MAD1L1: variants seen among roughly 807,000 people sequenced by gnomAD.
MAD1L1 encodes the protein mitotic spindle assembly checkpoint protein MAD1.
MAD1L1 carries 95 observed loss-of-function variants against 96.9 expected under a neutral mutation model. The ratio of observed to expected loss-of-function variants is 0.98; its 90% confidence interval spans 0.83 to 1.16. The LOEUF is 1.16. Among genes scored for constraint, MAD1L1 ranks in the 50% most tolerant of loss-of-function variants. MAD1L1 has a pLI of 0.00. For missense variants in MAD1L1, 1,007 were observed against 954.4 expected, an observed-to-expected ratio of 1.06 and a Z score of -0.73; for synonymous variants, 473 against 396.6, an observed-to-expected ratio of 1.19 and a Z score of -2.29.
At chr7:2,204,619 G>A (rs1792494514) in intron 10 of MAD1L1, among the ~76,000 whole-genome samples, 1 of 152,236 alleles carries the variant, frequency 6.6e-6, no homozygotes, top group African/African-American at 2.4e-5. Flanking sequence ...ACCCTTTCAT[G>A]TTTCCAAGCA....
chr7:2,173,465 C>G (rs964233816), intron 10 of MAD1L1, among the ~76,000 whole-genome samples: 1 of 152,240 alleles, frequency 6.6e-6, no homozygotes, highest in African/African-American at 2.4e-5. Context: ...TGCTTCCCCT[C>G]AAGCTAACAG....
At chr7:2,141,276 C>T (rs968171237) in intron 11 of MAD1L1, among the ~76,000 whole-genome samples, 4 of 152,388 alleles carry the variant, frequency 2.6e-5, no homozygotes, top group Middle Eastern at 3.4e-3. Context: ...AGGCAGACAC[C>T]GCGTGCTGCG....
intron 18 of MAD1L1, among the ~76,000 whole-genome samples, chr7:1,840,602 G>A (rs745483943): frequency 6.6e-5 from 10 of 152,304 alleles, no homozygotes; most frequent in Middle Eastern, 6.8e-3. Flanking sequence ...GGTGGCGGGC[G>A]CCTGTAATCC....
intron 11 of MAD1L1, among the ~76,000 whole-genome samples, chr7:2,087,144 A>G (rs927463976): frequency 2.0e-5 from 3 of 152,174 alleles, no homozygotes; most frequent in African/African-American, 7.2e-5. Context: ...AGAAACTCTT[A>G]GGGTGATGGA....
intron 13 of MAD1L1, 89 bp downstream of exon 13, chr7:2,014,413 A>C (rs1584082836): frequency 6.9e-7 from 1 of 1,450,680 alleles, no homozygotes; most frequent in Non-Finnish European, 9.1e-7. Context: ...CGGGGTCCAG[A>C]CCTCCACCTC....
chr7:2,200,838 CAG>C (rs1792255419), intron 10 of MAD1L1, among the ~76,000 whole-genome samples: 1 of 152,226 alleles, frequency 6.6e-6, no homozygotes, highest in African/African-American at 2.4e-5. Context: ...CCAGCAGAAT[CAG>C]GGCACCTGAT....
chr7:2,087,799 G>A (rs1222006865), intron 11 of MAD1L1, among the ~76,000 whole-genome samples: 1 of 152,184 alleles, frequency 6.6e-6, no homozygotes, highest in Non-Finnish European at 1.5e-5. Context: ...AGCGCCAACT[G>A]TATGTTTAGA....
intron 11 of MAD1L1, among the ~76,000 whole-genome samples, chr7:2,135,682 G>C (rs1037940273): frequency 1.3e-5 from 2 of 152,270 alleles, no homozygotes; most frequent in African/African-American, 4.8e-5. Context: ...AGCGACCCTC[G>C]GGACAATGCC....
At chr7:2,141,226 C>A (rs1185226370) in intron 11 of MAD1L1, among the ~76,000 whole-genome samples, 1 of 152,250 alleles carries the variant, frequency 6.6e-6, no homozygotes, top group East Asian at 1.9e-4. Flanking sequence ...CTGCATCCTA[C>A]AGGGCCACGC....
At chr7:2,152,563 A>C (rs891405097) in intron 10 of MAD1L1, among the ~76,000 whole-genome samples, 6 of 152,196 alleles carry the variant, frequency 3.9e-5, no homozygotes, top group Admixed American at 1.3e-4. Context: ...ACACGGGACC[A>C]GTCTACTCTA....
intron 11 of MAD1L1, among the ~76,000 whole-genome samples, chr7:2,102,234 A>C (rs1014407896): frequency 1.3e-5 from 2 of 149,634 alleles, no homozygotes; most frequent in South Asian, 4.2e-4. Context: ...CGCCACCGCC[A>C]CCACCACCAC....
chr7:2,124,565 T>C (rs1584380870), intron 11 of MAD1L1, among the ~76,000 whole-genome samples: 2 of 152,128 alleles, frequency 1.3e-5, no homozygotes, highest in East Asian at 1.9e-4. Flanking sequence ...AGGGGTGCAG[T>C]GAGGGCAGGA....
chr7:2,210,879 G>GC (rs72171176), intron 10 of MAD1L1, among the ~76,000 whole-genome samples: 1 of 152,158 alleles, frequency 6.6e-6, no homozygotes, highest in African/African-American at 2.4e-5. Context: ...GCTCGCACCA[G>GC]CCCCTCTCCA....
intron 14 of MAD1L1, 193 bp from the exon 15 acceptor site, chr7:1,980,734 T>C (rs1011068779): frequency 1.4e-6 from 1 of 693,514 alleles, no homozygotes; most frequent in Non-Finnish European, 2.7e-6. Flanking sequence ...ACTCAAGTTC[T>C]CTCATTTTTT....
intron 11 of MAD1L1, among the ~76,000 whole-genome samples, chr7:2,115,618 G>T (rs1469451864): frequency 6.6e-6 from 1 of 152,234 alleles, no homozygotes; most frequent in Non-Finnish European, 1.5e-5. Flanking sequence ...GTGTTCCCCG[G>T]TCACAGGAGG....
chr7:1,816,046 C>G lies in MAD1L1; in HGVS notation c.*24G>C, dbSNP rs761003865. On this transcript the variant is annotated 3_prime_UTR_variant, in exon 19 of 19. Coordinates refer to ENST00000265854, the MANE Select transcript of MAD1L1 (RefSeq NM_001013836.2). The stretch of plus-strand genomic sequence containing the variant: ...CAGGTCAGGCCAAGCAGAGTGGCTC[C>G]GGCTATGCCCCCGAGCCTGCAGGCT... 6.3e-7 allele frequency: 1 copy of G among 1,590,744 alleles called. No homozygotes were observed. Among genetic ancestry groups the G allele is most frequent in the Non-Finnish European group, 8.6e-7 (1 of 1,167,714 alleles).
chr7:1,957,347 A>G (rs1200724684), intron 16 of MAD1L1, among the ~76,000 whole-genome samples: 1 of 152,240 alleles, frequency 6.6e-6, no homozygotes, highest in Non-Finnish European at 1.5e-5. Flanking sequence ...TCGCCACAGC[A>G]GATCCCGGGT....
intron 18 of MAD1L1, among the ~76,000 whole-genome samples, chr7:1,865,502 C>T (rs781057216): frequency 2.6e-5 from 4 of 152,228 alleles, no homozygotes; most frequent in Non-Finnish European, 4.4e-5. Context: ...GAAGAAATTG[C>T]TTTAATATTA....
chr7:2,135,723 T>A (rs1788717750), intron 11 of MAD1L1, among the ~76,000 whole-genome samples: 1 of 152,136 alleles, frequency 6.6e-6, no homozygotes, highest in Non-Finnish European at 1.5e-5. Context: ...CACGGCCACA[T>A]ATGGGAGTCC....
Sources: gnomAD v4.1 joint callset for allele counts (sites outside exome capture counted in the v4.1 genomes callset) on GRCh38, gnomAD v4.1.1 for gene constraint, MANE v1.5 for transcripts, NCBI Gene and HGNC (gene_info 2026-07-23, HGNC 2026-07-21) for gene names.